Variants in MRPL22 observed in about 807,000 individuals in gnomAD.
MRPL22 encodes the protein mitochondrial ribosomal protein L22, also known as large ribosomal subunit protein uL22m.
MRPL22 carries 27 observed loss-of-function variants against 32.4 expected under a neutral mutation model. The ratio of observed to expected loss-of-function variants is 0.83; its 90% CI spans 0.61 to 1.15. The LOEUF is 1.15. MRPL22 is among the 50% of genes most tolerant of loss of function. The probability of loss-of-function intolerance (pLI) is 0.00; values close to 1 mark genes in which losing one functional copy is unlikely to be tolerated. For synonymous variants in MRPL22, 86 were observed against 87.3 expected, an observed-to-expected ratio of 0.99 and a Z score of 0.08; for missense variants, 239 against 260.2, an observed-to-expected ratio of 0.92 and a Z score of 0.56.
chr5:154,966,776 A>G lies in MRPL22; in HGVS notation c.500A>G (p.His167Arg). 1 of 1,614,174 alleles carries G rather than the reference A, an allele frequency of 6.2e-7. No homozygotes were observed. Among genetic ancestry groups the G allele is most frequent in the Non-Finnish European group, 8.5e-7 (1 of 1,180,024 alleles). The change falls in exon 7 of 7, where the codon CAT (histidine) becomes CGT (arginine). Residue 167 changes from histidine to arginine, a missense_variant. Coordinates refer to ENST00000523037, the MANE Select transcript of MRPL22 (RefSeq NM_014180.4). ...RFGIMEKVYC[H>R]YFVKLVEGPP... ...GGGATCATGGAGAAGGTTTATTGCC[A>G]TTATTTTGTGAAGTTGGTGGAAGGG...
chr5:154,961,593 C>T (rs562897097), intron 6 of MRPL22, among the ~76,000 whole-genome samples: 14 of 152,296 alleles, frequency 9.2e-5, no homozygotes, highest in Admixed American at 5.2e-4. Context: ...GGATAAAGAG[C>T]TTAATCCTGT....
chr5:154,944,561 T>C (rs1411633342), intron 2 of MRPL22, among the ~76,000 whole-genome samples: 1 of 152,216 alleles, frequency 6.6e-6, no homozygotes, highest in Non-Finnish European at 1.5e-5. Context: ...AGCTGGGAAC[T>C]ATTCTAGCAC....
At position 154,967,217 on chromosome 5, in the gene MRPL22, A is replaced by C. The variant is rs543958997; in HGVS notation, c.*320A>C. ...CTGCAGGTGGCTGTTTTGATACTGG[A>C]CTTGAATACAGTGTTATGAGGTAAG... On this transcript the variant is annotated 3_prime_UTR_variant, in exon 7 of 7. Coordinates refer to ENST00000523037, the MANE Select transcript of MRPL22 (RefSeq NM_014180.4). This position sits in a 1 kb window ranked among gnomAD's most constrained non-coding sequence, Gnocchi z 4.7. 9.6e-6 allele frequency: 3 copies of C among 313,404 alleles called. No homozygotes were observed. The South Asian group carries it at 1.1e-4, about 11-fold the overall frequency. The allele number at this position is 313,404 out of a possible 1,614,324, so 19.4% of individuals were successfully genotyped here.
At position 154,966,846 on chromosome 5, in the gene MRPL22, CAA is replaced by C. The variant is rs749749237; in HGVS notation, c.572_573del (p.Lys191ArgfsTer33). ...EPPKTAVAHA[K>X]EYIQQLRSRT... The stretch of plus-strand genomic sequence containing the variant: ...CACCAAAGACGGCAGTTGCCCATGC[CAA>C]AGAGTATATTCAGCAGCTTCGCAGC... On this transcript the variant is annotated frameshift_variant, in exon 7 of 7. Transcript: ENST00000523037. LOFTEE classifies it high-confidence loss of function. 7 of 1,614,084 alleles carry C rather than the reference CAA, an allele frequency of 4.3e-6. No homozygotes were observed. The East Asian group carries it at 1.6e-4, about 36-fold the overall frequency.
In MRPL22 at chr5:154,967,015, C is replaced by T; in HGVS notation, c.*118C>T. On this transcript the variant is annotated 3_prime_UTR_variant, in exon 7 of 7. Coordinates refer to ENST00000523037, the MANE Select transcript of MRPL22 (RefSeq NM_014180.4). The surrounding 1 kb of genome is among the most constrained non-coding windows in gnomAD (Gnocchi z 4.7). ...ATTGAATTATTGAAACAGTGTATAA[C>T]TGCTAGTTGTAAATGAATATTTATA... The T allele has an allele frequency of 9.4e-7, 1 of 1,065,082 alleles. No homozygotes were observed. 66.0% of individuals were successfully genotyped at this position (1,065,082 alleles called of 1,614,324 possible).
At position 154,966,926 on chromosome 5, in the gene MRPL22, T is replaced by C; in HGVS notation, c.*29T>C. ...GGAGATTCAGACTCCACAGTGTATA[T>C]ATTTTGCCATTTATTTTCTAAAAAT... On this transcript the variant is annotated 3_prime_UTR_variant, in exon 7 of 7. Coordinates refer to ENST00000523037, the MANE Select transcript of MRPL22 (RefSeq NM_014180.4). The C allele has an allele frequency of 6.5e-7, 1 of 1,541,012 alleles. No homozygotes were observed. The highest frequency in any genetic ancestry group is 8.7e-7 in the Non-Finnish European group (1 of 1,143,720).
chr5:154,950,710 T>G (rs889757878), intron 2 of MRPL22, 111 bp from the exon 3 acceptor site: 1 of 760,400 alleles, frequency 1.3e-6, no homozygotes, highest in South Asian at 1.5e-5. Flanking sequence ...CCAGTTGTGA[T>G]CCTTAAATTG....
Position 154,967,222 on chromosome 5 carries a change from A to AT in MRPL22, c.*325_*326insT. On this transcript the variant is annotated 3_prime_UTR_variant, in exon 7 of 7. Coordinates refer to ENST00000523037, the MANE Select transcript of MRPL22 (RefSeq NM_014180.4). This position sits in a 1 kb window ranked among gnomAD's most constrained non-coding sequence, Gnocchi z 4.7. Reference sequence around the variant, plus strand: ...GGTGGCTGTTTTGATACTGGACTTGAATACAGTGTTATGAGGTAAGAAAAT... The same window carrying AT: ...GGTGGCTGTTTTGATACTGGACTTGATATACAGTGTTATGAGGTAAGAAAAT... 3.3e-6 allele frequency: 1 copy of AT among 305,840 alleles called. No individual in the cohort carries two copies. The highest frequency in any genetic ancestry group is 6.2e-6 in the Non-Finnish European group (1 of 161,370). The allele number at this position is 305,840 out of a possible 1,614,324, so 18.9% of individuals were successfully genotyped here. A position where few individuals can be genotyped will look rare whatever the true frequency, so the allele number is the denominator to read the frequency against.
intron 3 of MRPL22, chr5:154,955,106 A>C (rs1315942035): frequency 1.3e-5 from 2 of 152,162 alleles, no homozygotes; most frequent in Non-Finnish European, 2.9e-5. Flanking sequence ...GGTCTCTTCT[A>C]TATGAAAGAT....
At chr5:154,942,209 GTACT>G (rs1217225293) in intron 2 of MRPL22, among the ~76,000 whole-genome samples, 1 of 152,174 alleles carries the variant, frequency 6.6e-6, no homozygotes, top group African/African-American at 2.4e-5. Flanking sequence ...GCCTCCTGAA[GTACT>G]GGGATTACAG....
chr5:154,957,087 C>G, intron 4 of MRPL22, 48 bp from the exon 5 acceptor site: 1 of 1,503,502 alleles, frequency 6.7e-7, no homozygotes, highest in Non-Finnish European at 9.2e-7. Context: ...GAAACATTGA[C>G]TTTGTAAACT....
At chr5:154,954,844 T>C (rs1185274031) in intron 3 of MRPL22, among the ~76,000 whole-genome samples, 2 of 152,104 alleles carry the variant, frequency 1.3e-5, no homozygotes, top group African/African-American at 4.8e-5. Flanking sequence ...CAGGCTGGAG[T>C]GCAGTGGCGC....
At position 154,968,852 on chromosome 5, in the gene MRPL22, C is replaced by T. The variant is rs528278168; in HGVS notation, c.*1955C>T. 2.6e-5 allele frequency: 4 copies of T among 152,296 alleles called. No homozygotes were observed. Among genetic ancestry groups the T allele is most frequent in the African/African-American group, 9.6e-5 (4 of 41,558 alleles). The allele number at this position is 152,296 out of a possible 1,614,324, so 9.4% of individuals were successfully genotyped here. Reference sequence around the variant, plus strand: ...GTAGGATTGTAATGAAGAAAATTTCCTTCCCAGGTTAAGCCTTCATTTGGA... The same window carrying T: ...GTAGGATTGTAATGAAGAAAATTTCTTTCCCAGGTTAAGCCTTCATTTGGA... On this transcript the variant is annotated 3_prime_UTR_variant, in exon 7 of 7. Coordinates refer to ENST00000523037, the MANE Select transcript of MRPL22 (RefSeq NM_014180.4).
chr5:154,958,384 T>G (rs541639697), intron 5 of MRPL22, among the ~76,000 whole-genome samples: 24 of 152,194 alleles, frequency 1.6e-4, no homozygotes, highest in Admixed American at 4.6e-4. Context: ...GATTGATAGA[T>G]TCAGACTTCT....
intron 2 of MRPL22, among the ~76,000 whole-genome samples, chr5:154,942,609 G>A (rs78759848): frequency 1.7e-3 from 257 of 152,278 alleles, no homozygotes; most frequent in African/African-American, 5.6e-3. Context: ...GTCTATAACA[G>A]CAGTCCTACC....
At chr5:154,957,076 G>A in intron 4 of MRPL22, 59 bp from the exon 5 acceptor site, 2 of 1,442,340 alleles carry the variant, frequency 1.4e-6, no homozygotes, top group Middle Eastern at 1.8e-4. Flanking sequence ...TCATTGAAAA[G>A]GAAACATTGA....
intron 2 of MRPL22, among the ~76,000 whole-genome samples, chr5:154,942,466 T>G (rs1330737740): frequency 1.3e-5 from 2 of 152,218 alleles, no homozygotes; most frequent in African/African-American, 4.8e-5. Flanking sequence ...GTAGTAGCTC[T>G]TAGGATTTGT....
At chr5:154,950,621 T>TC (rs1378405693) in intron 2 of MRPL22, among the ~76,000 whole-genome samples, 200 bp from the exon 3 acceptor site, 3 of 152,240 alleles carry the variant, frequency 2.0e-5, no homozygotes, top group African/African-American at 7.2e-5. Flanking sequence ...GTTTACTTTC[T>TC]CTCCTGTTAG....
At chr5:154,962,675 C>A (rs1053897093) in intron 6 of MRPL22, among the ~76,000 whole-genome samples, 4 of 152,154 alleles carry the variant, frequency 2.6e-5, no homozygotes, top group African/African-American at 4.8e-5. Flanking sequence ...GTTCACTTCC[C>A]TTTCAAACTT....
Sources: gnomAD v4.1 joint callset for allele counts (sites outside exome capture counted in the v4.1 genomes callset) on GRCh38, gnomAD v4.1.1 for gene constraint, Gnocchi (gnomAD v3.1) non-coding constraint, MANE v1.5 for transcripts, NCBI Gene and HGNC (gene_info 2026-07-23, HGNC 2026-07-21) for gene names.